Variants in CDC42SE2 observed in about 807,000 individuals in gnomAD.
The protein encoded by CDC42SE2 is CDC42 small effector protein 2.
CDC42SE2 carries 3 observed loss-of-function variants against 11.5 expected under a neutral mutation model. That is an observed-to-expected ratio of 0.26 (90% CI 0.12 to 0.67). CDC42SE2 has a LOEUF of 0.67. Among genes scored for constraint, CDC42SE2 ranks in the 30% least tolerant of loss-of-function variants. CDC42SE2 has a pLI of 0.80. For missense variants in CDC42SE2, 82 were observed against 106.8 expected (o/e 0.77, Z 1.02); for synonymous variants, 33 against 34.8 (o/e 0.95, Z 0.18).
intron 2 of CDC42SE2, among the ~76,000 whole-genome samples, chr5:131,357,228 CA>C (rs1288767223): frequency 6.6e-6 from 1 of 152,108 alleles, no homozygotes; most frequent in East Asian, 1.9e-4. Context: ...TAATTAATGG[CA>C]AAAATGTAAA....
At chr5:131,269,799 G>C (rs890833650) in intron 1 of CDC42SE2, among the ~76,000 whole-genome samples, 2 of 151,428 alleles carry the variant, frequency 1.3e-5, no homozygotes, top group African/African-American at 4.9e-5. Flanking sequence ...CCTGGCTCAC[G>C]CCTGTAATCC....
Position 131,333,237 on chromosome 5 carries a change from TTTC to T in CDC42SE2, c.-286+17099_-286+17101del, listed in dbSNP as rs1758465409. On this transcript the variant is annotated intron_variant, in intron 2 of 4. Coordinates refer to ENST00000505065, the MANE Select transcript of CDC42SE2 (RefSeq NM_001375635.1). The stretch of plus-strand genomic sequence containing the variant: ...TATTAAATAGGGAATCCTTTCCCCA[TTTC>T]TTCTTTTTGTCAGGTTTGTCAAAGA... Among the ~76,000 whole-genome samples, 3 of 152,234 alleles carry T rather than the reference TTTC, an allele frequency of 2.0e-5. No homozygotes were observed. In the South Asian group the frequency reaches 6.2e-4, roughly 31 times the overall value.
intron 2 of CDC42SE2, among the ~76,000 whole-genome samples, chr5:131,332,142 G>A (rs570757805): frequency 2.5e-4 from 36 of 145,556 alleles, no homozygotes; most frequent in Non-Finnish European, 4.1e-4. Context: ...AACAGTCCCC[G>A]GTGTGTGATG....
chr5:131,316,554 T>C (rs1758042752), intron 2 of CDC42SE2, among the ~76,000 whole-genome samples: 1 of 152,214 alleles, frequency 6.6e-6, no homozygotes, highest in African/African-American at 2.4e-5. Flanking sequence ...TTTTGTCCAA[T>C]GAGAGACAAA....
chr5:131,338,431 G>T (rs748436329), intron 2 of CDC42SE2, among the ~76,000 whole-genome samples: 3 of 152,206 alleles, frequency 2.0e-5, no homozygotes, highest in African/African-American at 7.2e-5. Context: ...TAGGCGGCTA[G>T]TGTTTCGTAG....
rs1337265828 is a variant in CDC42SE2, at chr5:131,393,143, G to A, written c.*2052G>A. The stretch of plus-strand genomic sequence containing the variant: ...ATTCAAGCCTATCTAACTACATTTG[G>A]TAGGATTAACATTTCATATAACAAA... On this transcript the variant is annotated 3_prime_UTR_variant, in exon 5 of 5. Coordinates refer to ENST00000505065, the MANE Select transcript of CDC42SE2 (RefSeq NM_001375635.1). The A allele has an allele frequency of 6.6e-6, 1 of 152,276 alleles. No individual in the cohort carries two copies. Among genetic ancestry groups the A allele is most frequent in the Admixed American group, 6.5e-5 (1 of 15,272 alleles). 9.4% of individuals were successfully genotyped at this position (152,276 alleles called of 1,614,324 possible).
At chr5:131,309,061 A>G (rs1023840229) in intron 1 of CDC42SE2, among the ~76,000 whole-genome samples, 42 of 152,034 alleles carry the variant, frequency 2.8e-4, no homozygotes, top group African/African-American at 1.0e-3. Context: ...TTGCCCATTC[A>G]GTATGATATT....
At chr5:131,387,863 T>C (rs1040197270) in intron 4 of CDC42SE2, among the ~76,000 whole-genome samples, 3 of 152,220 alleles carry the variant, frequency 2.0e-5, no homozygotes, top group Admixed American at 6.5e-5. Flanking sequence ...TTCAGCCCTT[T>C]AGAGCTAAAT....
Position 131,257,407 on chromosome 5 carries a change from C to CT in CDC42SE2, n.242+2181dup, listed in dbSNP as rs562871526. On this transcript the variant is annotated intron_variant and non_coding_transcript_variant, in intron 2 of 3. Coordinates refer to the CDC42SE2 transcript ENST00000502840. ...CCACCGTGCCCGGCCTCATGATGAA[C>CT]TTTCTTTATGAAAGCAACATGTATA... Among the ~76,000 whole-genome samples the CT allele has an allele frequency of 4.2e-3, 634 of 151,854 alleles. 4 individuals are homozygous for CT. Among genetic ancestry groups the CT allele is most frequent in the African/African-American group, 0.013 (549 of 41,358 alleles).
At chr5:131,339,129 T>TC (rs1458309568) in intron 2 of CDC42SE2, among the ~76,000 whole-genome samples, 1 of 150,982 alleles carries the variant, frequency 6.6e-6, no homozygotes, top group Admixed American at 6.6e-5. Flanking sequence ...ACGTCTGTGG[T>TC]CTCAGCTACT....
intron 1 of CDC42SE2, among the ~76,000 whole-genome samples, chr5:131,273,378 A>G (rs759843263): frequency 6.7e-6 from 1 of 148,784 alleles, no homozygotes; most frequent in Admixed American, 6.6e-5. Context: ...CTGGTCTCAA[A>G]CTCTTGACTT....
intron 2 of CDC42SE2, among the ~76,000 whole-genome samples, chr5:131,342,966 G>A (rs1317752244): frequency 6.6e-6 from 1 of 152,082 alleles, no homozygotes; most frequent in Non-Finnish European, 1.5e-5. Context: ...ACCCACTTCA[G>A]CTTTCCAATG....
chr5:131,340,403 A>G (rs1304980056), intron 2 of CDC42SE2, among the ~76,000 whole-genome samples: 3 of 152,176 alleles, frequency 2.0e-5, no homozygotes, highest in Non-Finnish European at 1.5e-5. Flanking sequence ...AACATAATTT[A>G]TGTAGAGTTT....
upstream of CDC42SE2, among the ~76,000 whole-genome samples, chr5:131,241,536 G>A (rs1281702097): frequency 6.6e-6 from 1 of 152,024 alleles, no homozygotes; most frequent in African/African-American, 2.4e-5. Context: ...AAGTCAACAA[G>A]TTACAATTGC....
At position 131,390,976 on chromosome 5, in the gene CDC42SE2, T is replaced by G; in HGVS notation, c.157-17T>G. ...CTGACTTCCATTTTGTTTTGTTGTA[T>G]TTTTGTCTTGTTTTAGGTTAGCTCC... is the stretch of plus-strand genomic sequence containing the variant. On this transcript the variant is annotated splice_polypyrimidine_tract_variant and intron_variant, in intron 4 of 4. Transcript: ENST00000505065. 6.3e-7 allele frequency: 1 copy of G among 1,579,664 alleles called. No individual in the cohort carries two copies. The highest frequency in any genetic ancestry group is 8.7e-7 in the Non-Finnish European group (1 of 1,151,740).
intron 1 of CDC42SE2, among the ~76,000 whole-genome samples, chr5:131,296,870 C>A (rs1757579993): frequency 6.6e-6 from 1 of 151,958 alleles, no homozygotes; most frequent in Admixed American, 6.6e-5. Flanking sequence ...TTTGCAAGTT[C>A]TTTTTCTTTC....
chr5:131,303,567 T>G (rs1004826102), intron 1 of CDC42SE2, among the ~76,000 whole-genome samples: 1 of 152,214 alleles, frequency 6.6e-6, no homozygotes, highest in Non-Finnish European at 1.5e-5. Context: ...TAAGAAGATC[T>G]GAGGTTTGGA....
At chr5:131,236,294 G>A in the CDC42SE2 span, among the ~76,000 whole-genome samples, 2 of 151,956 alleles carry the variant, frequency 1.3e-5, no homozygotes, top group African/African-American at 2.4e-5. Context: ...ATCACTTCAC[G>A]ATTTTTAATA....
chr5:131,377,522 A>G (rs1016454470), intron 3 of CDC42SE2, among the ~76,000 whole-genome samples: 1 of 152,168 alleles, frequency 6.6e-6, no homozygotes, highest in African/African-American at 2.4e-5. Flanking sequence ...AGTGTTTTCT[A>G]TTAACCATTA....
Sources: allele counts gnomAD v4.1 joint callset (sites outside exome capture counted in the v4.1 genomes callset), GRCh38; gene constraint gnomAD v4.1.1; transcripts MANE v1.5; gene names NCBI Gene and HGNC (gene_info 2026-07-23, HGNC 2026-07-21).